The following LGMN variants were observed in gnomAD, a reference collection of about 807,000 sequenced individuals.
The protein encoded by LGMN is legumain.
LGMN carries 36 observed loss-of-function variants against 56.8 expected under a neutral mutation model. That is an observed-to-expected ratio of 0.63 (90% confidence interval 0.49 to 0.84). The LOEUF is 0.84. Among genes scored for constraint, LGMN ranks in the 40% least tolerant of loss-of-function variants. The pLI is 0.00. For missense variants in LGMN, 446 were observed against 556.1 expected (o/e 0.80, Z 1.99); for synonymous variants, 199 against 210.1 (o/e 0.95, Z 0.46).
At chr14:92,725,988 G>C (rs1444476150) in intron 2 of LGMN, among the ~76,000 whole-genome samples, 2 of 151,926 alleles carry the variant, frequency 1.3e-5, no homozygotes, top group Non-Finnish European at 2.9e-5. Flanking sequence ...TGTAATCCCA[G>C]CACTTTGGGA....
intron 3 of LGMN, among the ~76,000 whole-genome samples, chr14:92,718,432 G>A (rs1890180013): frequency 1.3e-5 from 2 of 152,062 alleles, no homozygotes; most frequent in Admixed American, 1.3e-4. Flanking sequence ...AAATTAGCTG[G>A]GCATGGCAGT....
At chr14:92,725,215 C>T (rs898681007) in intron 2 of LGMN, among the ~76,000 whole-genome samples, 1 of 152,208 alleles carries the variant, frequency 6.6e-6, no homozygotes, top group Non-Finnish European at 1.5e-5. Flanking sequence ...CTTGCACAGT[C>T]CCCTCTGTCC....
In LGMN at chr14:92,719,305, GCCGCCA is replaced by G. The variant is rs1566924568; in HGVS notation, c.139-467_139-462del. 2.1e-3 allele frequency among the ~76,000 whole-genome samples: 62 copies of G among 29,160 alleles called. 2 individuals carry two copies. The highest frequency in any genetic ancestry group is 3.0e-3 in the Non-Finnish European group (48 of 15,788). The allele number at this position is 29,160 out of a possible 152,430, so 19.1% of individuals were successfully genotyped here. The stretch of plus-strand genomic sequence containing the variant: ...CGCCGCCGCCGCCGCCGCCGCCACC[GCCGCCA>G]CCGCCGCCGCCGCCACCGCCACCGC... On this transcript the variant is annotated intron_variant, in intron 2 of 13. Coordinates refer to ENST00000334869, the MANE Select transcript of LGMN (RefSeq NM_005606.7).
chr14:92,705,209 G>A (rs919320860), intron 12 of LGMN, among the ~76,000 whole-genome samples: 4 of 152,152 alleles, frequency 2.6e-5, no homozygotes, highest in African/African-American at 7.2e-5. Context: ...AAGGTCAAAA[G>A]ACCAAGACTG....
chr14:92,733,886 A>G (rs910701523), intron 1 of LGMN: 1 of 152,194 alleles, frequency 6.6e-6, no homozygotes. Flanking sequence ...ACACAGAAAA[A>G]TATGGAAGAC....
intron 2 of LGMN, among the ~76,000 whole-genome samples, chr14:92,719,873 T>A (rs1890365485): frequency 6.6e-6 from 1 of 152,228 alleles, no homozygotes; most frequent in South Asian, 2.1e-4. Context: ...ACATTTAATT[T>A]TGTCATTCCT....
At chr14:92,740,204 C>T (rs561904684) in intron 1 of LGMN, among the ~76,000 whole-genome samples, 30 of 152,230 alleles carry the variant, frequency 2.0e-4, no homozygotes, top group Admixed American at 4.6e-4. Context: ...GGCGAGATCG[C>T]GCCATTGCAC....
chr14:92,726,199 T>A (rs924966260), intron 2 of LGMN, among the ~76,000 whole-genome samples: 1 of 150,686 alleles, frequency 6.6e-6, no homozygotes, highest in Non-Finnish European at 1.5e-5. Flanking sequence ...ATCACGCCAT[T>A]GCACTCCAGG....
chr14:92,703,877 C>CA lies in LGMN; in HGVS notation c.*441dup, dbSNP rs1278343381. On this transcript the variant is annotated 3_prime_UTR_variant, in exon 14 of 14. Transcript: ENST00000334869. ...CTGCAGAATTAAATACAAAAGCAAT[C>CA]AAAAATCATCATATTTTCTAAAAAC... The CA allele has an allele frequency of 2.4e-6, 1 of 414,082 alleles. No homozygotes were observed. The highest frequency in any genetic ancestry group is 5.5e-5 in the East Asian group (1 of 18,120). 25.7% of individuals were successfully genotyped at this position (414,082 alleles called of 1,614,324 possible).
At chr14:92,742,578 C>A (rs1190922860) in intron 1 of LGMN, among the ~76,000 whole-genome samples, 1 of 152,090 alleles carries the variant, frequency 6.6e-6, no homozygotes. Flanking sequence ...TGAGCCACTG[C>A]ACCCAGCCTG....
chr14:92,717,696 G>A (rs982873309), intron 3 of LGMN, among the ~76,000 whole-genome samples: 3 of 152,152 alleles, frequency 2.0e-5, no homozygotes, highest in Non-Finnish European at 2.9e-5. Flanking sequence ...GAAAAGCCTC[G>A]GGCAGGGACC....
intron 11 of LGMN, among the ~76,000 whole-genome samples, chr14:92,708,179 C>A (rs1889545925): frequency 2.0e-5 from 3 of 151,348 alleles, no homozygotes; most frequent in African/African-American, 7.3e-5. Flanking sequence ...CACCAAAAAA[C>A]CTCTGGTTCA....
rs186654064 is a variant in LGMN, at chr14:92,717,793, T to A, written c.237-332A>T. Among the ~76,000 whole-genome samples the A allele has an allele frequency of 2.1e-4, 32 of 152,266 alleles. 1 individual carries two copies. The highest frequency in any genetic ancestry group is 7.7e-4 in the African/African-American group (32 of 41,542). ...ATCAAAAGCTCTCTCAGAGTGAAAC[T>A]ACTTTCAGAAAGAGACAGGACAGAG... On this transcript the variant is annotated intron_variant, in intron 3 of 13. Transcript: ENST00000334869.
At chr14:92,730,598 T>A (rs1351728845) in intron 2 of LGMN, among the ~76,000 whole-genome samples, 1 of 152,124 alleles carries the variant, frequency 6.6e-6, no homozygotes, top group Non-Finnish European at 1.5e-5. Flanking sequence ...TATTATTAAT[T>A]TTTTATATTG....
chr14:92,717,380 C>T lies in LGMN; in HGVS notation c.318G>A (p.Glu106=). Residue 106 remains glutamate, a splice_region_variant and synonymous_variant, in exon 4 of 14, where the codon GAG becomes GAA. Transcript: ENST00000334869. ...GGCTCCAACCGTAGAAGCCACTCAC[C>T]TCTCCAGTGTAGTCCTTCGGGACTC... ...YQGVPKDYTG[E]DVTPQNFLAV... 6.3e-7 allele frequency: 1 copy of T among 1,580,628 alleles called. No individual in the cohort carries two copies. The highest frequency in any genetic ancestry group is 8.7e-7 in the Non-Finnish European group (1 of 1,155,182).
intron 1 of LGMN, among the ~76,000 whole-genome samples, chr14:92,739,017 C>CAAA (rs771147697): frequency 1.4e-5 from 1 of 72,684 alleles, no homozygotes; most frequent in Non-Finnish European, 2.8e-5. Flanking sequence ...GACTCTGTCT[C>CAAA]AAAAAAAAAA....
At chr14:92,712,677 C>T (rs1174844507) in intron 8 of LGMN, 128 bp downstream of exon 8, 2 of 774,704 alleles carry the variant, frequency 2.6e-6, no homozygotes, top group Non-Finnish European at 4.3e-6. Context: ...CTGCAAGTAT[C>T]TCCCCACTTC....
rs117312891 is a variant in LGMN at position 92,714,863 on chromosome 14, C to T, written c.405-412G>A. Among the ~76,000 whole-genome samples the T allele has an allele frequency of 7.7e-3, 1,176 of 152,322 alleles. 64 individuals carry two copies. The East Asian group carries it at 0.14, about 18-fold the overall frequency. ...CCCCCCCTCCAGGCCTCCTGTGGCCCACAGTCTGGATGCCCACCTACCTGC... is the reference window on the plus strand; with the variant it reads ...CCCCCCCTCCAGGCCTCCTGTGGCCTACAGTCTGGATGCCCACCTACCTGC... On this transcript the variant is annotated intron_variant, in intron 5 of 13. Transcript: ENST00000334869. This position sits in a 1 kb window ranked among gnomAD's most constrained non-coding sequence, Gnocchi z 5.1.
At chr14:92,727,061 G>A (rs979904288) in intron 2 of LGMN, among the ~76,000 whole-genome samples, 1 of 152,176 alleles carries the variant, frequency 6.6e-6, no homozygotes, top group Non-Finnish European at 1.5e-5. Flanking sequence ...GACACCTGGA[G>A]CTGCTGCAGC....
Sources: allele counts gnomAD v4.1 joint callset (sites outside exome capture counted in the v4.1 genomes callset), GRCh38; gene constraint gnomAD v4.1.1; non-coding constraint Gnocchi (gnomAD v3.1); transcripts MANE v1.5; gene names NCBI Gene and HGNC (gene_info 2026-07-23, HGNC 2026-07-21).